The following SLC40A1 variants were observed in gnomAD, a reference collection of about 807,000 sequenced individuals.
SLC40A1 encodes solute carrier family 40 member 1, also known as ferroportin.
SLC40A1 carries 16 observed loss-of-function variants against 53.5 expected under a neutral mutation model. The ratio of observed to expected loss-of-function variants is 0.30; its 90% CI spans 0.20 to 0.45. The LOEUF (loss-of-function observed/expected upper bound fraction) is 0.45, where lower values mean the gene tolerates loss of function less well. Ranked by LOEUF, SLC40A1 falls within the 20% of genes least tolerant of loss-of-function variation. The pLI is 1.00. For synonymous variants in SLC40A1, 247 were observed against 253.2 expected (o/e 0.98, Z 0.23); for missense variants, 545 against 695.4 (o/e 0.78, Z 2.43).
Position 189,563,854 on chromosome 2 carries a change from A to G in SLC40A1, c.1132T>C (p.Leu378=), listed in dbSNP as rs138505684. 73 of 1,614,206 alleles carry G rather than the reference A, an allele frequency of 4.5e-5. No individual in the cohort carries two copies. The African/African-American group carries it at 7.7e-4, about 17-fold the overall frequency. ...AAGATCAAACAGGAAAGCTGTGCCA[A>G]TCCTGAGATCAGACCTGTCCGAACC... ...GLVRTGLISG[L]AQLSCLILCV... The change falls in exon 7 of 8, where the codon TTG becomes CTG. Residue 378 remains leucine, a synonymous_variant. Transcript: ENST00000261024.
At chr2:189,562,841 T>C (rs1177631395) in intron 7 of SLC40A1, among the ~76,000 whole-genome samples, 2 of 152,150 alleles carry the variant, frequency 1.3e-5, no homozygotes, top group South Asian at 2.1e-4. Flanking sequence ...TAAATACATA[T>C]TTGCTAGAGA....
intron 2 of SLC40A1, among the ~76,000 whole-genome samples, chr2:189,576,591 AG>A (rs2031293322): frequency 6.6e-6 from 1 of 152,022 alleles, no homozygotes; most frequent in Admixed American, 6.5e-5. Context: ...CACAACAGCA[AG>A]GGGGTGGAGC....
At chr2:189,562,493 C>T (rs1365001496) in intron 7 of SLC40A1, among the ~76,000 whole-genome samples, 1 of 152,102 alleles carries the variant, frequency 6.6e-6, no homozygotes, top group Non-Finnish European at 1.5e-5. Context: ...AAATCAGAGA[C>T]ATAATAAATC....
chr2:189,562,555 T>C (rs1196628085), intron 7 of SLC40A1, among the ~76,000 whole-genome samples: 2 of 152,168 alleles, frequency 1.3e-5, no homozygotes, highest in Non-Finnish European at 2.9e-5. Flanking sequence ...ACCTAATAAA[T>C]GGTTATGGTT....
intron 2 of SLC40A1, among the ~76,000 whole-genome samples, chr2:189,578,755 G>C (rs956393220): frequency 5.3e-5 from 8 of 152,166 alleles, no homozygotes; most frequent in Admixed American, 1.3e-4. Flanking sequence ...AGTCACCCCT[G>C]TGTAAGCCTC....
At chr2:189,574,836 G>A (rs2031239565) in intron 3 of SLC40A1, among the ~76,000 whole-genome samples, 1 of 152,182 alleles carries the variant, frequency 6.6e-6, no homozygotes, top group South Asian at 2.1e-4. Context: ...ACAAGATACA[G>A]TTAGGAAGCC....
chr2:189,565,770 C>T (rs1019918116), intron 5 of SLC40A1, among the ~76,000 whole-genome samples, 171 bp from the exon 6 acceptor site: 3 of 152,178 alleles, frequency 2.0e-5, no homozygotes, highest in Non-Finnish European at 4.4e-5. Context: ...TTGTTTGGGT[C>T]AAGTCCCACT....
At chr2:189,570,912 G>C (rs2031105304) in intron 5 of SLC40A1, among the ~76,000 whole-genome samples, 1 of 152,186 alleles carries the variant, frequency 6.6e-6, no homozygotes, top group South Asian at 2.1e-4. Context: ...GATCAGCAGA[G>C]TTGACTCAGC....
At chr2:189,568,214 T>C (rs1023557923) in intron 5 of SLC40A1, among the ~76,000 whole-genome samples, 2 of 148,372 alleles carry the variant, frequency 1.3e-5, no homozygotes, top group East Asian at 3.9e-4. Flanking sequence ...TTAGGCCGGG[T>C]GCAGTGGCCC....
At chr2:189,569,124 T>C (rs927947677) in intron 5 of SLC40A1, among the ~76,000 whole-genome samples, 1 of 152,276 alleles carries the variant, frequency 6.6e-6, no homozygotes, top group Non-Finnish European at 1.5e-5. Context: ...CTGATGCCAC[T>C]GAAATTCTAA....
At chr2:189,574,710 G>T (rs1276140349) in intron 3 of SLC40A1, among the ~76,000 whole-genome samples, 1 of 151,984 alleles carries the variant, frequency 6.6e-6, no homozygotes, top group African/African-American at 2.4e-5. Flanking sequence ...CAACTATTCT[G>T]CCTTGAAGCT....
At chr2:189,567,682 TC>T in intron 5 of SLC40A1, among the ~76,000 whole-genome samples, 1 of 152,326 alleles carries the variant, frequency 6.6e-6, no homozygotes, top group Non-Finnish European at 1.5e-5. Context: ...TTGCCTTTAT[TC>T]CTTCTGTAAT....
At chr2:189,572,491 T>C (rs368142600) in intron 4 of SLC40A1, 56 of 308,094 alleles carry the variant, frequency 1.8e-4, no homozygotes, top group East Asian at 1.7e-3. Context: ...ACAATTATTA[T>C]TGGAGGAACG....
chr2:189,564,906 T>C (rs1335860050), intron 6 of SLC40A1, among the ~76,000 whole-genome samples: 1 of 152,120 alleles, frequency 6.6e-6, no homozygotes. Flanking sequence ...AAGATTCTGT[T>C]TACCCAGAAG....
rs1474876501 is a variant in SLC40A1, at chr2:189,567,024, A to G, written c.515-1425T>C. Among the ~76,000 whole-genome samples the G allele has an allele frequency of 2.0e-5, 3 of 152,342 alleles. No individual in the cohort carries two copies. In the East Asian group the frequency reaches 5.8e-4, roughly 29 times the overall value. ...CAAAGTCTTACCAAACAAAAGTGAC[A>G]AAACGAGAGGGGGCCAACTGAGCTG... On this transcript the variant is annotated intron_variant, in intron 5 of 7. Coordinates refer to ENST00000261024, the MANE Select transcript of SLC40A1 (RefSeq NM_014585.6).
intron 2 of SLC40A1, among the ~76,000 whole-genome samples, chr2:189,577,755 A>G (rs1446441631): frequency 6.6e-6 from 1 of 151,762 alleles, no homozygotes; most frequent in African/African-American, 2.4e-5. Flanking sequence ...CTGGGACTAC[A>G]GGTGTGTCTC....
intron 1 of SLC40A1, 30 bp from the exon 2 acceptor site, chr2:189,579,910 G>A (rs1002297609): frequency 6.2e-7 from 1 of 1,607,160 alleles, no homozygotes; most frequent in Non-Finnish European, 8.5e-7. Context: ...GTGACAAAAA[G>A]CGATGGTAGT....
Position 189,565,443 on chromosome 2 carries a change from C to A in SLC40A1, c.671G>T (p.Trp224Leu), listed in dbSNP as rs1364741256. ...AGCTGGGGTTTTCTGGTAAACCTTC[C>A]AGAGCAGAACGTACTCCACGCACAT... ...VSMCVEYVLL[W>L]KVYQKTPALA... is the part of the protein sequence containing the mutation. Residue 224 changes from tryptophan to leucine, a missense_variant, in exon 6 of 8, where the codon TGG becomes TTG. Around this residue, in one of 4 missense-constraint regions of SLC40A1, gnomAD observed 197 missense variants for 278.8 expected, o/e 0.71. Transcript: ENST00000261024. 7 of 1,614,114 alleles carry A rather than the reference C, an allele frequency of 4.3e-6. No individual in the cohort carries two copies. Among genetic ancestry groups the A allele is most frequent in the Non-Finnish European group, 5.1e-6 (6 of 1,180,046 alleles).
In SLC40A1 at chr2:189,563,704, T is replaced by G. The variant is rs776663855; in HGVS notation, c.1282A>C (p.Thr428Pro). ...GACCCATTAGACATGTATATTTCAG[T>G]TGTAATTTCAGGTATCTTGGTAGGT... is the stretch of plus-strand genomic sequence containing the variant. Reference protein sequence around the residue: ...ITPTKIPEITTEIYMSNGSNS... With the variant: ...ITPTKIPEITPEIYMSNGSNS... The change falls in exon 7 of 8, where the codon ACT becomes CCT. Residue 428 changes from threonine (T) to proline (P), a missense_variant. Physicochemically the swap from Thr to Pro is conservative, Grantham distance 38 (BLOSUM62 -1). This residue lies in a region of SLC40A1 where 234 missense variants were observed against 299.0 expected (regional missense o/e 0.78). Transcript: ENST00000261024. 5 of 1,614,190 alleles carry G rather than the reference T, an allele frequency of 3.1e-6. No individual in the cohort carries two copies. The Admixed American group carries it at 8.3e-5, about 27-fold the overall frequency.
Sources: allele counts gnomAD v4.1 joint callset (sites outside exome capture counted in the v4.1 genomes callset), GRCh38; gene constraint gnomAD v4.1.1; regional missense constraint gnomAD v4.1.1; transcripts MANE v1.5; gene names NCBI Gene and HGNC (gene_info 2026-07-23, HGNC 2026-07-21).